The following DLG5 variants were observed in gnomAD, a reference collection of about 807,000 sequenced individuals.
The protein encoded by DLG5 is discs large MAGUK scaffold protein 5.
Under a neutral mutation model 189.8 loss-of-function variants are expected in DLG5, and 48 were observed. The ratio of observed to expected loss-of-function variants is 0.25; its 90% CI spans 0.20 to 0.32. DLG5 has a LOEUF of 0.32. Among genes scored for constraint, DLG5 ranks in the 10% least tolerant of loss-of-function variants. The probability of loss-of-function intolerance (pLI) is 1.00; values close to 1 mark genes in which losing one functional copy is unlikely to be tolerated. For missense variants in DLG5, 2,160 were observed against 2,544.7 expected, an observed-to-expected ratio of 0.85 and a Z score of 3.25; for synonymous variants, 1,016 against 1,054.1, an observed-to-expected ratio of 0.96 and a Z score of 0.70.
chr10:77,936,446 CAAAAAAAA>C, the DLG5 span, among the ~76,000 whole-genome samples: 3 of 52,130 alleles, frequency 5.8e-5, no homozygotes, highest in Admixed American at 2.3e-4. Context: ...CAAAACAAAA[CAAAAAAAA>C]AAAAAAAAAA....
chr10:77,867,011 A>G, intron 2 of DLG5: 1 of 457,292 alleles, frequency 2.2e-6, no homozygotes, highest in Non-Finnish European at 4.4e-6. Context: ...CTGCTCCAAG[A>G]AACACATCAG....
chr10:77,796,435 G>A lies in DLG5; in HGVS notation c.5308+16C>T, dbSNP rs1260788876. 1 of 1,614,154 alleles carries A rather than the reference G, an allele frequency of 6.2e-7. No homozygotes were observed. Among genetic ancestry groups the A allele is most frequent in the African/African-American group, 1.3e-5 (1 of 75,058 alleles). On this transcript the variant is annotated intron_variant, in intron 28 of 31. Coordinates refer to ENST00000372391, the MANE Select transcript of DLG5 (RefSeq NM_004747.4). This position sits in a 1 kb window ranked among gnomAD's most constrained non-coding sequence, Gnocchi z 5.2. ...AAAGAGCCCAGTAGGCACAGAGGGT[G>A]CCCCGTGCCCCTTACCAAGGGGACA...
intron 23 of DLG5, among the ~76,000 whole-genome samples, chr10:77,810,413 G>A (rs930987544): frequency 1.3e-5 from 2 of 152,216 alleles, no homozygotes; most frequent in African/African-American, 2.4e-5. Context: ...GCTTGGTGAA[G>A]GCCTCTCAGT....
intron 1 of DLG5, among the ~76,000 whole-genome samples, chr10:77,921,097 G>A (rs1846521474): frequency 6.6e-6 from 1 of 152,194 alleles, no homozygotes; most frequent in Admixed American, 6.5e-5. Context: ...TGTAATCTTA[G>A]CTACTAAGGA....
intron 1 of DLG5, among the ~76,000 whole-genome samples, chr10:77,875,213 C>T (rs745984388): frequency 6.6e-6 from 1 of 152,218 alleles, no homozygotes; most frequent in Non-Finnish European, 1.5e-5. Context: ...TGCTGCCCGG[C>T]TCCACAGGGA....
At chr10:77,798,043 C>T (rs551899975) in intron 27 of DLG5, among the ~76,000 whole-genome samples, 5 of 152,076 alleles carry the variant, frequency 3.3e-5, no homozygotes, top group South Asian at 2.1e-4. Flanking sequence ...AAAAATTAGC[C>T]GGGTGTGCTG....
intron 13 of DLG5, among the ~76,000 whole-genome samples, chr10:77,828,215 G>C (rs1406372824): frequency 6.6e-6 from 1 of 152,190 alleles, no homozygotes; most frequent in South Asian, 2.1e-4. Flanking sequence ...GCTGGGTGCT[G>C]TGGATCATGC....
chr10:77,901,672 A>C (rs1458146981), intron 1 of DLG5, among the ~76,000 whole-genome samples: 2 of 152,164 alleles, frequency 1.3e-5, no homozygotes, highest in Non-Finnish European at 2.9e-5. Context: ...TCTCACTTCT[A>C]GGCACAGGAT....
chr10:77,872,287 C>T (rs1370059629), intron 1 of DLG5, among the ~76,000 whole-genome samples: 1 of 152,240 alleles, frequency 6.6e-6, no homozygotes, highest in Non-Finnish European at 1.5e-5. Context: ...CTCTCCTCCC[C>T]TGTGGCAAGT....
intron 24 of DLG5, 130 bp downstream of exon 24, chr10:77,809,417 C>A: frequency 9.3e-7 from 1 of 1,071,422 alleles, no homozygotes; most frequent in South Asian, 1.6e-5. Context: ...ACAACAACAA[C>A]AAAAGTCAGC....
rs1050887343 is a variant in DLG5, at chr10:77,809,465, G to A, written c.4647+82C>T. ...ACCAGATGAGAGGCTGTACTCCTCC[G>A]TCTTTGGTGCCACCTGAGATGGCAG... On this transcript the variant is annotated intron_variant, in intron 24 of 31. Coordinates refer to ENST00000372391, the MANE Select transcript of DLG5 (RefSeq NM_004747.4). 1.0e-5 allele frequency: 15 copies of A among 1,462,622 alleles called. No homozygotes were observed. The East Asian group carries it at 1.6e-4, about 16-fold the overall frequency. The allele number at this position is 1,462,622 out of a possible 1,614,324, so 90.6% of individuals were successfully genotyped here.
chr10:77,849,828 T>C (rs901747098), intron 5 of DLG5, among the ~76,000 whole-genome samples: 1 of 152,220 alleles, frequency 6.6e-6, no homozygotes, highest in Non-Finnish European at 1.5e-5. Flanking sequence ...AAGGAAACTT[T>C]ACGCTTCTTG....
At chr10:77,798,234 C>G (rs1841024156) in intron 27 of DLG5, among the ~76,000 whole-genome samples, 1 of 152,058 alleles carries the variant, frequency 6.6e-6, no homozygotes, top group Admixed American at 6.6e-5. Context: ...CACATACATC[C>G]ACACAGTCTT....
chr10:77,820,892 T>G (rs1274359728), intron 15 of DLG5, 190 bp downstream of exon 15: 2 of 646,702 alleles, frequency 3.1e-6, no homozygotes, highest in African/African-American at 3.6e-5. Context: ...ACACTCCCAC[T>G]ACCATGCACT....
At chr10:77,798,523 G>T (rs1841042188) in intron 27 of DLG5, among the ~76,000 whole-genome samples, 1 of 152,190 alleles carries the variant, frequency 6.6e-6, no homozygotes, top group Non-Finnish European at 1.5e-5. Context: ...ACTATTATGA[G>T]CTGGAAGTGT....
chr10:77,878,614 A>C (rs1845178456), intron 1 of DLG5, among the ~76,000 whole-genome samples: 1 of 152,122 alleles, frequency 6.6e-6, no homozygotes, highest in East Asian at 1.9e-4. Flanking sequence ...TCAGGAGCTA[A>C]TGCTTCCCCC....
intron 27 of DLG5, among the ~76,000 whole-genome samples, chr10:77,800,308 G>T (rs142674861): frequency 1.3e-5 from 2 of 152,342 alleles, no homozygotes; most frequent in African/African-American, 4.8e-5. Flanking sequence ...AGGCATCGTA[G>T]AGTGGCAGAG....
At position 77,806,213 on chromosome 10, in the gene DLG5, G is replaced by A. The variant is rs768123529; in HGVS notation, c.4968-352C>T. 1.0e-4 allele frequency: 29 copies of A among 290,936 alleles called. No individual in the cohort carries two copies. The East Asian group carries it at 1.6e-3, about 16-fold the overall frequency. 18.0% of individuals were successfully genotyped at this position (290,936 alleles called of 1,614,324 possible). On this transcript the variant is annotated intron_variant, in intron 26 of 31. Transcript: ENST00000372391. ...ATGATGCAGGGATGCAGGCTGCCTC[G>A]AAAACATGCTCAGTGACAGGAGCCA...
At chr10:77,899,098 C>T (rs1476268512) in intron 1 of DLG5, among the ~76,000 whole-genome samples, 3 of 152,218 alleles carry the variant, frequency 2.0e-5, no homozygotes, top group Non-Finnish European at 2.9e-5. Flanking sequence ...TTTCTGAGGT[C>T]CCATCCGCCT....
Sources: gnomAD v4.1 joint callset for allele counts (sites outside exome capture counted in the v4.1 genomes callset) on GRCh38, gnomAD v4.1.1 for gene constraint, Gnocchi (gnomAD v3.1) non-coding constraint, MANE v1.5 for transcripts, NCBI Gene and HGNC (gene_info 2026-07-23, HGNC 2026-07-21) for gene names.